Variants in GPC5 observed in about 807,000 individuals in gnomAD.
GPC5 encodes the protein glypican 5.
A neutral mutation model predicts 53.9 loss-of-function variants in GPC5; 47 were observed. The ratio of observed to expected loss-of-function variants is 0.87; its 90% CI spans 0.69 to 1.11. The LOEUF (loss-of-function observed/expected upper bound fraction) is 1.11, where lower values mean the gene tolerates loss of function less well. Among genes scored for constraint, GPC5 ranks in the 50% most tolerant of loss-of-function variants. GPC5 has a pLI of 0.00. For missense variants in GPC5, 748 were observed against 713.1 expected (o/e 1.05, Z -0.56); for synonymous variants, 286 against 263.3 (o/e 1.09, Z -0.84).
intron 7 of GPC5, among the ~76,000 whole-genome samples, chr13:92,815,166 T>C (rs1229703242): frequency 6.6e-6 from 1 of 151,852 alleles, no homozygotes; most frequent in Non-Finnish European, 1.5e-5. Flanking sequence ...GAAAAACATA[T>C]AATACAATGC....
In GPC5 at chr13:92,350,432, G is replaced by A. The variant is rs2043466486; in HGVS notation, c.1561+205443G>A. On this transcript the variant is annotated intron_variant, in intron 7 of 7. Transcript: ENST00000377067. ...AATGAATTATGCTAAGTAAAACAAGGTAGGCACAGAAAGGCAAATACATGT... is the reference window on the plus strand; with the variant it reads ...AATGAATTATGCTAAGTAAAACAAGATAGGCACAGAAAGGCAAATACATGT... Among the ~76,000 whole-genome samples, 14 of 152,082 alleles carry A rather than the reference G, an allele frequency of 9.2e-5. 1 individual carries two copies. Among genetic ancestry groups the A allele is most frequent in the Admixed American group, 9.2e-4 (14 of 15,272 alleles).
chr13:92,117,952 T>A (rs142645845), intron 6 of GPC5, among the ~76,000 whole-genome samples: 1 of 152,318 alleles, frequency 6.6e-6, no homozygotes, highest in Non-Finnish European at 1.5e-5. Context: ...ACCACATTAC[T>A]GATCTGGCTA....
intron 6 of GPC5, among the ~76,000 whole-genome samples, chr13:92,081,597 T>A (rs1362483097): frequency 6.6e-6 from 1 of 152,162 alleles, no homozygotes; most frequent in Non-Finnish European, 1.5e-5. Flanking sequence ...TCAAATAATT[T>A]CTTCTACACT....
At chr13:92,647,416 G>C (rs1441459190) in intron 7 of GPC5, among the ~76,000 whole-genome samples, 2 of 152,102 alleles carry the variant, frequency 1.3e-5, no homozygotes, top group Non-Finnish European at 2.9e-5. Flanking sequence ...AGATTTGCCT[G>C]TGTTTTCATA....
At position 92,179,378 on chromosome 13, in the gene GPC5, G is replaced by A. The variant is rs1593966831; in HGVS notation, c.1561+34389G>A. Among the ~76,000 whole-genome samples, 6 of 152,274 alleles carry A rather than the reference G, an allele frequency of 3.9e-5. No individual in the cohort carries two copies. The South Asian group carries it at 1.2e-3, about 32-fold the overall frequency. On this transcript the variant is annotated intron_variant, in intron 7 of 7. Transcript: ENST00000377067. ...CTAAGTGCAGATGCCTAAAAGGAAG[G>A]GTTTCTGATGACTTTGTTTTCTCAA...
At chr13:91,524,908 T>C (rs1201665534) in intron 2 of GPC5, among the ~76,000 whole-genome samples, 2 of 152,212 alleles carry the variant, frequency 1.3e-5, no homozygotes, top group African/African-American at 4.8e-5. Flanking sequence ...GGCTACCACA[T>C]TATGTATTTA....
At chr13:92,855,843 A>G (rs771020874) in intron 7 of GPC5, among the ~76,000 whole-genome samples, 11 of 152,036 alleles carry the variant, frequency 7.2e-5, no homozygotes, top group Non-Finnish European at 1.3e-4. Context: ...AAGTTCCAAA[A>G]TTAAATCCGT....
chr13:92,650,856 T>C (rs1885934864), intron 7 of GPC5, among the ~76,000 whole-genome samples: 1 of 152,138 alleles, frequency 6.6e-6, no homozygotes, highest in Non-Finnish European at 1.5e-5. Context: ...GTTTGTTGCA[T>C]AGGTATACGT....
intron 7 of GPC5, among the ~76,000 whole-genome samples, chr13:92,773,083 A>T (rs2138751598): frequency 6.6e-6 from 1 of 152,236 alleles, no homozygotes; most frequent in Admixed American, 6.5e-5. Context: ...AAAAATAGAG[A>T]TCCTTCATTG....
chr13:91,674,817 G>A (rs2035344128), intron 2 of GPC5, among the ~76,000 whole-genome samples: 1 of 151,562 alleles, frequency 6.6e-6, no homozygotes, highest in Admixed American at 6.6e-5. Context: ...TGTCAGTGGA[G>A]TAAAAAGTCC....
rs34052858 is a variant in GPC5, at chr13:92,441,078, T to G, written c.1561+296089T>G. 5.2e-3 allele frequency among the ~76,000 whole-genome samples: 792 copies of G among 152,332 alleles called. 13 individuals carry two copies. Among genetic ancestry groups the G allele is most frequent in the Middle Eastern group, 0.027 (8 of 294 alleles). ...GTTTAATTAGGTCTCATTTATCGTT[T>G]TTTTTTCTTTTGAGACAAAGTCTCA... On this transcript the variant is annotated intron_variant, in intron 7 of 7. Coordinates refer to ENST00000377067, the MANE Select transcript of GPC5 (RefSeq NM_004466.6).
intron 7 of GPC5, among the ~76,000 whole-genome samples, chr13:92,435,214 A>T (rs546002410): frequency 6.6e-6 from 1 of 152,198 alleles, no homozygotes; most frequent in Non-Finnish European, 1.5e-5. Flanking sequence ...TGCACCCAGC[A>T]GTCCAAATGA....
chr13:92,060,194 C>T (rs571243478), intron 6 of GPC5, among the ~76,000 whole-genome samples: 7 of 151,268 alleles, frequency 4.6e-5, no homozygotes, highest in South Asian at 2.1e-4. Flanking sequence ...AAGAAGCTTG[C>T]GGTAGTATAA....
chr13:92,203,132 C>A (rs1475704536), intron 7 of GPC5, among the ~76,000 whole-genome samples: 1 of 152,080 alleles, frequency 6.6e-6, no homozygotes, highest in Non-Finnish European at 1.5e-5. Flanking sequence ...TAATATTTTG[C>A]ACACTTTTCA....
At chr13:91,464,927 G>A (rs956240378) in intron 2 of GPC5, among the ~76,000 whole-genome samples, 6 of 152,074 alleles carry the variant, frequency 3.9e-5, no homozygotes, top group Non-Finnish European at 8.8e-5. Context: ...GCTTCCCCTG[G>A]GGGAGGCTGA....
chr13:92,273,666 C>CAA (rs34290140), intron 7 of GPC5, among the ~76,000 whole-genome samples: 64 of 150,928 alleles, frequency 4.2e-4, no homozygotes, highest in Middle Eastern at 3.4e-3. Flanking sequence ...TTAAAAATGG[C>CAA]AAAAAAAATG....
intron 7 of GPC5, among the ~76,000 whole-genome samples, chr13:92,559,330 ATGTGTGTGTGTGTGTGTGTG>A (rs5805755): frequency 7.7e-5 from 11 of 143,024 alleles, no homozygotes; most frequent in Admixed American, 2.8e-4. Context: ...TAGTGTGTAT[ATGTGTGTGTGTGTGTGTGTG>A]TGTGTGTGTG....
At chr13:91,407,778 A>C (rs1330272958) in intron 1 of GPC5, among the ~76,000 whole-genome samples, 1 of 152,224 alleles carries the variant, frequency 6.6e-6, no homozygotes, top group Non-Finnish European at 1.5e-5. Context: ...CAGAGGGACC[A>C]CAGTTTTCAG....
chr13:92,104,195 C>T (rs933327076), intron 6 of GPC5, among the ~76,000 whole-genome samples: 6 of 152,080 alleles, frequency 3.9e-5, no homozygotes, highest in African/African-American at 7.2e-5. Flanking sequence ...GCTTCATCCA[C>T]GTATCCCAAT....
Sources: gnomAD v4.1 joint callset for allele counts (sites outside exome capture counted in the v4.1 genomes callset) on GRCh38, gnomAD v4.1.1 for gene constraint, MANE v1.5 for transcripts, NCBI Gene and HGNC (gene_info 2026-07-23, HGNC 2026-07-21) for gene names.